EPHA6: variants seen among roughly 807,000 people sequenced by gnomAD.
EPHA6 encodes EPH receptor A6, also known as ephrin type-A receptor 6.
Under a neutral mutation model 112.0 loss-of-function variants are expected in EPHA6, and 50 were observed. The observed-to-expected ratio is 0.45, with a 90% CI of 0.36 to 0.56. The LOEUF (loss-of-function observed/expected upper bound fraction) is 0.56. EPHA6 is among the 20% of genes least tolerant of loss of function. The pLI is 0.00. For missense variants in EPHA6, 1,280 were observed against 1,417.4 expected, an observed-to-expected ratio of 0.90 and a Z score of 1.56; for synonymous variants, 529 against 490.7, an observed-to-expected ratio of 1.08 and a Z score of -1.03.
intron 3 of EPHA6, among the ~76,000 whole-genome samples, chr3:97,167,890 C>A (rs558123905): frequency 2.0e-5 from 3 of 151,842 alleles, no homozygotes; most frequent in African/African-American, 7.2e-5. Context: ...ACCATAGCAT[C>A]CATTTTAATA....
chr3:97,175,979 C>G (rs1278533619), intron 3 of EPHA6, among the ~76,000 whole-genome samples: 1 of 151,774 alleles, frequency 6.6e-6, no homozygotes, highest in African/African-American at 2.4e-5. Flanking sequence ...TTGCCATGTT[C>G]AAGATCTTAG....
intron 5 of EPHA6, among the ~76,000 whole-genome samples, chr3:97,333,959 C>G (rs2082930933): frequency 6.6e-6 from 1 of 152,080 alleles, no homozygotes; most frequent in South Asian, 2.1e-4. Context: ...TGCCCTTTAT[C>G]AAGTTAAGTT....
chr3:97,355,940 G>T (rs2084050614), intron 5 of EPHA6, among the ~76,000 whole-genome samples: 1 of 152,074 alleles, frequency 6.6e-6, no homozygotes, highest in African/African-American at 2.4e-5. Context: ...GACAAAGAAG[G>T]TCATTATATG....
intron 3 of EPHA6, among the ~76,000 whole-genome samples, chr3:97,204,771 A>G (rs2077671142): frequency 6.6e-6 from 1 of 152,144 alleles, no homozygotes; most frequent in Non-Finnish European, 1.5e-5. Context: ...GAGTTGACTG[A>G]ATAAATAGAA....
chr3:97,591,891 G>T (rs888886225), intron 11 of EPHA6, among the ~76,000 whole-genome samples: 5 of 151,796 alleles, frequency 3.3e-5, no homozygotes, highest in African/African-American at 9.7e-5. Flanking sequence ...TCTAAAATGA[G>T]TGGTTTTAAC....
At chr3:96,913,161 T>TACACACACACACAC (rs768422240) in intron 2 of EPHA6, among the ~76,000 whole-genome samples, 12 of 123,238 alleles carry the variant, frequency 9.7e-5, no homozygotes, top group African/African-American at 3.0e-4. Context: ...AGACCCCGTC[T>TACACACACACACAC]ACACACACAC....
At position 97,364,609 on chromosome 3, in the gene EPHA6, G is replaced by A. The variant is rs1338456429; in HGVS notation, c.1607-40541G>A. ...ATATAAAAACATAATTTATTTCTAT[G>A]CAACTCTGGAGACTTGAATTTAAAT... On this transcript the variant is annotated intron_variant, in intron 5 of 17. Coordinates refer to ENST00000389672, the MANE Select transcript of EPHA6 (RefSeq NM_001080448.3). Among the ~76,000 whole-genome samples the A allele has an allele frequency of 2.0e-5, 3 of 152,010 alleles. No homozygotes were observed. In the East Asian group the frequency reaches 5.8e-4, roughly 29 times the overall value.
chr3:97,309,238 A>G (rs1161459830), intron 5 of EPHA6, among the ~76,000 whole-genome samples: 3 of 151,666 alleles, frequency 2.0e-5, no homozygotes, highest in African/African-American at 7.2e-5. Context: ...TAAAAATAAC[A>G]TTTAAAGTTA....
intron 13 of EPHA6, among the ~76,000 whole-genome samples, chr3:97,626,748 T>TACTTTCTCATC (rs2093860341): frequency 6.6e-6 from 1 of 151,808 alleles, no homozygotes; most frequent in Non-Finnish European, 1.5e-5. Context: ...TGATAAACTA[T>TACTTTCTCATC]TAGTAGCTTA....
At chr3:97,233,200 C>T (rs2078581603) in intron 4 of EPHA6, among the ~76,000 whole-genome samples, 1 of 152,028 alleles carries the variant, frequency 6.6e-6, no homozygotes, top group African/African-American at 2.4e-5. Flanking sequence ...AGGGCCCTCT[C>T]CTGCCCTGTT....
intron 7 of EPHA6, among the ~76,000 whole-genome samples, chr3:97,470,806 C>A (rs1577500644): frequency 6.6e-6 from 1 of 151,586 alleles, no homozygotes; most frequent in African/African-American, 2.4e-5. Context: ...CTTCCCAAAT[C>A]ATAGAATGAA....
chr3:97,578,066 TAG>T (rs2093403929), intron 11 of EPHA6, among the ~76,000 whole-genome samples: 1 of 152,220 alleles, frequency 6.6e-6, no homozygotes, highest in Middle Eastern at 3.4e-3. Flanking sequence ...GAGTATGAGA[TAG>T]AGTCATCAGA....
chr3:96,986,137 G>A (rs1406023400), intron 2 of EPHA6, among the ~76,000 whole-genome samples: 1 of 152,070 alleles, frequency 6.6e-6, no homozygotes, highest in African/African-American at 2.4e-5. Context: ...ATAAAATGGA[G>A]TTATAATCTA....
At chr3:97,301,941 T>A (rs1376546971) in intron 5 of EPHA6, among the ~76,000 whole-genome samples, 1 of 152,094 alleles carries the variant, frequency 6.6e-6, no homozygotes. Flanking sequence ...GAGAAAGGGC[T>A]TAGAATGTAT....
chr3:96,968,091 C>A (rs2042191809), intron 2 of EPHA6, among the ~76,000 whole-genome samples: 1 of 151,304 alleles, frequency 6.6e-6, no homozygotes, highest in South Asian at 2.1e-4. Flanking sequence ...TGTAGTTTTT[C>A]TATTTTATCG....
At chr3:96,826,567 T>C (rs914515683) in intron 1 of EPHA6, among the ~76,000 whole-genome samples, 3 of 152,096 alleles carry the variant, frequency 2.0e-5, no homozygotes, top group Admixed American at 1.3e-4. Flanking sequence ...ACTTGCTCTA[T>C]TCCAGTGCTA....
At chr3:97,665,580 T>C (rs1226738167) in intron 14 of EPHA6, among the ~76,000 whole-genome samples, 6 of 152,198 alleles carry the variant, frequency 3.9e-5, no homozygotes, top group African/African-American at 2.4e-5. Context: ...AGAAGGGTCA[T>C]GTATCCAAAT....
At chr3:96,976,492 C>A (rs779281677) in intron 2 of EPHA6, among the ~76,000 whole-genome samples, 5 of 151,686 alleles carry the variant, frequency 3.3e-5, no homozygotes, top group African/African-American at 9.7e-5. Context: ...TACTTTATGA[C>A]GTTAAAAAAA....
chr3:96,854,671 GAGA>G (rs1408250884), intron 1 of EPHA6, among the ~76,000 whole-genome samples: 1 of 152,042 alleles, frequency 6.6e-6, no homozygotes, highest in African/African-American at 2.4e-5. Context: ...TTTTGTAAAT[GAGA>G]AGAAGAAATT....
Sources: gnomAD v4.1 joint callset for allele counts (sites outside exome capture counted in the v4.1 genomes callset) on GRCh38, gnomAD v4.1.1 for gene constraint, MANE v1.5 for transcripts, NCBI Gene and HGNC (gene_info 2026-07-23, HGNC 2026-07-21) for gene names.